The following SH3GL3 variants were observed in gnomAD, a reference collection of about 807,000 sequenced individuals.
SH3GL3 encodes endophilin-A3.
SH3GL3 carries 33 observed loss-of-function variants against 47.7 expected under a neutral mutation model. That is an observed-to-expected ratio of 0.69 (90% CI 0.52 to 0.92). The LOEUF (loss-of-function observed/expected upper bound fraction) is 0.92, where lower values mean the gene tolerates loss of function less well. SH3GL3 is among the 40% of genes least tolerant of loss of function. The pLI is 0.00. For synonymous variants in SH3GL3, 155 were observed against 148.8 expected, an observed-to-expected ratio of 1.04 and a Z score of -0.30; for missense variants, 363 against 417.8, an observed-to-expected ratio of 0.87 and a Z score of 1.14.
intron 6 of SH3GL3, among the ~76,000 whole-genome samples, chr15:83,577,967 A>G (rs2059729963): frequency 1.3e-5 from 2 of 152,342 alleles, no homozygotes; most frequent in Admixed American, 1.3e-4. Context: ...TTTACCTGTC[A>G]TAGCCCACAT....
intron 1 of SH3GL3, among the ~76,000 whole-genome samples, chr15:83,492,732 G>T (rs1479586176): frequency 6.6e-6 from 1 of 152,216 alleles, no homozygotes; most frequent in Non-Finnish European, 1.5e-5. Flanking sequence ...CTATCCCCCA[G>T]GGTTGGGAAA....
chr15:83,492,142 G>A (rs968962824), intron 1 of SH3GL3, among the ~76,000 whole-genome samples: 1 of 151,976 alleles, frequency 6.6e-6, no homozygotes, highest in South Asian at 2.1e-4. Flanking sequence ...AATTAGCTGG[G>A]TGTGGTGGCA....
intron 1 of SH3GL3, among the ~76,000 whole-genome samples, chr15:83,525,466 C>G (rs2043382136): frequency 6.6e-6 from 1 of 151,854 alleles, no homozygotes; most frequent in Non-Finnish European, 1.5e-5. Flanking sequence ...TCCCATTCAA[C>G]AGGTTGCCTC....
intron 8 of SH3GL3, among the ~76,000 whole-genome samples, chr15:83,589,083 C>T (rs1373301789): frequency 6.6e-6 from 1 of 151,960 alleles, no homozygotes; most frequent in Non-Finnish European, 1.5e-5. Flanking sequence ...CATTTTTGAG[C>T]AACTGCTATA....
intron 1 of SH3GL3, among the ~76,000 whole-genome samples, chr15:83,536,610 T>G (rs996192412): frequency 2.0e-5 from 3 of 151,624 alleles, no homozygotes; most frequent in Middle Eastern, 3.4e-3. Context: ...ACCATGTTGG[T>G]CAGGCTGGTC....
chr15:83,591,615 A>G (rs2151813134), intron 8 of SH3GL3, among the ~76,000 whole-genome samples: 1 of 152,282 alleles, frequency 6.6e-6, no homozygotes, highest in African/African-American at 2.4e-5. Flanking sequence ...GGCAGGCCCC[A>G]TGAATTTTCT....
In SH3GL3 at chr15:83,447,520, C is replaced by A; in HGVS notation, c.-14C>A. On this transcript the variant is annotated 5_prime_UTR_variant, in exon 1 of 9. Coordinates refer to ENST00000427482, the MANE Select transcript of SH3GL3 (RefSeq NM_003027.5). This position sits in a 1 kb window ranked among gnomAD's most constrained non-coding sequence, Gnocchi z 5.1. ...AGCCTTGAGACCACCCCGCCCCTGCCGGTCGCAGTCGCGATGTCGGTGGCC... is the reference window on the plus strand; with the variant it reads ...AGCCTTGAGACCACCCCGCCCCTGCAGGTCGCAGTCGCGATGTCGGTGGCC... 6.7e-7 allele frequency: 1 copy of A among 1,501,084 alleles called. No individual in the cohort carries two copies. 93.0% of individuals were successfully genotyped at this position (1,501,084 alleles called of 1,614,324 possible).
chr15:83,631,458 G>T, the SH3GL3 span, among the ~76,000 whole-genome samples: 1 of 152,210 alleles, frequency 6.6e-6, no homozygotes, highest in Non-Finnish European at 1.5e-5. Context: ...CCCCATCCCT[G>T]CAGCATACTT....
intron 1 of SH3GL3, among the ~76,000 whole-genome samples, chr15:83,477,816 C>A (rs539179899): frequency 4.6e-5 from 7 of 152,202 alleles, no homozygotes; most frequent in African/African-American, 1.4e-4. Context: ...TTGAAAAATT[C>A]TTTGGAGTTT....
intron 1 of SH3GL3, among the ~76,000 whole-genome samples, chr15:83,479,420 G>A (rs2041243426): frequency 2.6e-5 from 4 of 152,190 alleles, no homozygotes; most frequent in Admixed American, 2.0e-4. Context: ...GTGACGGGGA[G>A]GAGATGGAAG....
intron 1 of SH3GL3, among the ~76,000 whole-genome samples, chr15:83,538,609 T>C (rs998556477): frequency 6.6e-6 from 1 of 152,232 alleles, no homozygotes; most frequent in African/African-American, 2.4e-5. Flanking sequence ...TTCTCTTTTT[T>C]GAACTTTATG....
intron 8 of SH3GL3, among the ~76,000 whole-genome samples, chr15:83,597,878 G>C (rs2060274687): frequency 6.6e-6 from 1 of 152,158 alleles, no homozygotes. Context: ...GAAGTGCTGG[G>C]ATTATAGGCG....
At chr15:83,536,198 C>G (rs570175447) in intron 1 of SH3GL3, among the ~76,000 whole-genome samples, 1 of 152,250 alleles carries the variant, frequency 6.6e-6, no homozygotes, top group Admixed American at 6.5e-5. Flanking sequence ...TCCACACTTA[C>G]AATCATTTGC....
intron 8 of SH3GL3, among the ~76,000 whole-genome samples, chr15:83,594,551 G>A (rs2060192002): frequency 6.6e-6 from 1 of 151,974 alleles, no homozygotes; most frequent in African/African-American, 2.4e-5. Context: ...TTCTTTTTCT[G>A]TTCTAGGATC....
chr15:83,611,122 T>C (rs1465595236), intron 8 of SH3GL3, among the ~76,000 whole-genome samples: 1 of 151,894 alleles, frequency 6.6e-6, no homozygotes, highest in Non-Finnish European at 1.5e-5. Flanking sequence ...TAAGAGGGAC[T>C]GAACCATATT....
At chr15:83,517,849 A>G (rs2043050348) in intron 1 of SH3GL3, among the ~76,000 whole-genome samples, 1 of 152,150 alleles carries the variant, frequency 6.6e-6, no homozygotes, top group African/African-American at 2.4e-5. Flanking sequence ...CATGTCACCC[A>G]GGTACTGAGC....
intron 1 of SH3GL3, among the ~76,000 whole-genome samples, chr15:83,544,138 G>C (rs758269934): frequency 6.6e-6 from 1 of 151,634 alleles, no homozygotes; most frequent in Admixed American, 6.6e-5. Context: ...TTTGATGTAG[G>C]GGCTTATTGC....
At chr15:83,547,284 C>T (rs1312208937) in intron 1 of SH3GL3, among the ~76,000 whole-genome samples, 2 of 152,044 alleles carry the variant, frequency 1.3e-5, no homozygotes, top group East Asian at 1.9e-4. Flanking sequence ...GCTCCCTCCA[C>T]GGGCACTGGC....
At chr15:83,453,551 G>C (rs900147697) in intron 1 of SH3GL3, among the ~76,000 whole-genome samples, 1 of 151,380 alleles carries the variant, frequency 6.6e-6, no homozygotes, top group African/African-American at 2.4e-5. Flanking sequence ...TGTATGTGTC[G>C]AGGAATGTAT....
Sources: gnomAD v4.1 joint callset for allele counts (sites outside exome capture counted in the v4.1 genomes callset) on GRCh38, gnomAD v4.1.1 for gene constraint, Gnocchi (gnomAD v3.1) non-coding constraint, MANE v1.5 for transcripts, NCBI Gene and HGNC (gene_info 2026-07-23, HGNC 2026-07-21) for gene names.